NAV2: variants seen among roughly 807,000 people sequenced by gnomAD.
NAV2 encodes the protein helicase, APC down-regulated 1.
Under a neutral mutation model 223.2 loss-of-function variants are expected in NAV2, and 54 were observed. That is an observed-to-expected ratio of 0.24 (90% CI 0.19 to 0.30). The LOEUF (loss-of-function observed/expected upper bound fraction) is 0.30, where lower values mean the gene tolerates loss of function less well. NAV2 is among the 10% of genes least tolerant of loss of function. The pLI, the probability that NAV2 is intolerant of heterozygous loss-of-function variation, is 1.00. For synonymous variants in NAV2, 1,279 were observed against 1,239.3 expected, an observed-to-expected ratio of 1.03 and a Z score of -0.67; for missense variants, 2,806 against 3,147.5, an observed-to-expected ratio of 0.89 and a Z score of 2.60.
chr11:19,550,050 G>T (rs1278593375), intron 1 of NAV2, among the ~76,000 whole-genome samples: 4 of 152,208 alleles, frequency 2.6e-5, no homozygotes, highest in Non-Finnish European at 5.9e-5. Flanking sequence ...ATATGTGGAG[G>T]TGGATGGGAA....
At chr11:19,821,625 CCTGCAATGGT>C (rs143542609) in intron 1 of NAV2, among the ~76,000 whole-genome samples, 4,108 of 152,268 alleles carry the variant, frequency 0.027, 174 homozygotes, top group African/African-American at 0.094. Flanking sequence ...TGGATACAGT[CCTGCAATGGT>C]AACTCATGTT....
At chr11:19,674,429 A>G (rs1439492713) in intron 1 of NAV2, among the ~76,000 whole-genome samples, 2 of 152,166 alleles carry the variant, frequency 1.3e-5, no homozygotes, top group African/African-American at 4.8e-5. Flanking sequence ...TTTTTTTTCA[A>G]TGGAAGGTTA....
intron 1 of NAV2, among the ~76,000 whole-genome samples, chr11:19,567,148 T>G (rs767959736): frequency 6.6e-6 from 1 of 152,188 alleles, no homozygotes; most frequent in Non-Finnish European, 1.5e-5. Context: ...TACTTCTTTT[T>G]CTCCTCTCTT....
intron 1 of NAV2, among the ~76,000 whole-genome samples, chr11:19,392,579 G>A (rs1401267138): frequency 6.6e-6 from 1 of 152,134 alleles, no homozygotes; most frequent in African/African-American, 2.4e-5. Context: ...CTGAGAGCAC[G>A]AGCAAGCCAG....
At chr11:19,780,765 G>A (rs527631516) in intron 1 of NAV2, among the ~76,000 whole-genome samples, 7 of 152,254 alleles carry the variant, frequency 4.6e-5, no homozygotes, top group East Asian at 1.9e-4. Flanking sequence ...ATATGATGAC[G>A]GACGAGATGA....
intron 1 of NAV2, among the ~76,000 whole-genome samples, chr11:19,365,960 C>T (rs1269913446): frequency 6.6e-6 from 1 of 152,208 alleles, no homozygotes; most frequent in East Asian, 1.9e-4. Flanking sequence ...GGGAGAGCCA[C>T]CTTTGCCCTT....
intron 1 of NAV2, among the ~76,000 whole-genome samples, chr11:19,401,401 T>C (rs2729909): frequency 0.59 from 90,130 of 152,088 alleles, 27,083 homozygotes; most frequent in South Asian, 0.69. Flanking sequence ...TGTTGATAGG[T>C]AAATAAATAA....
chr11:19,761,533 T>G (rs1428856900), intron 1 of NAV2, among the ~76,000 whole-genome samples: 1 of 152,096 alleles, frequency 6.6e-6, no homozygotes, highest in East Asian at 1.9e-4. Context: ...GGCAGCACAA[T>G]AGCCAACACA....
At chr11:19,746,719 C>T (rs796480648) in intron 1 of NAV2, among the ~76,000 whole-genome samples, 8 of 152,144 alleles carry the variant, frequency 5.3e-5, no homozygotes, top group African/African-American at 1.9e-4. Flanking sequence ...ATCTTGCTCT[C>T]ATTCACCTCG....
At chr11:19,818,403 G>A (rs780793243) in intron 1 of NAV2, among the ~76,000 whole-genome samples, 1 of 151,956 alleles carries the variant, frequency 6.6e-6, no homozygotes, top group East Asian at 1.9e-4. Context: ...TCTGAGCTGG[G>A]AAGAGATGTA....
chr11:19,552,886 A>C (rs1252408620), intron 1 of NAV2, among the ~76,000 whole-genome samples: 4 of 60,364 alleles, frequency 6.6e-5, no homozygotes, highest in Non-Finnish European at 1.1e-4. Flanking sequence ...AGTGTGTGTG[A>C]GTGTGTGTGG....
chr11:19,503,079 T>C (rs1342920748), intron 1 of NAV2: 2 of 152,248 alleles, frequency 1.3e-5, no homozygotes, highest in African/African-American at 4.8e-5. Context: ...CAAAGTACTG[T>C]GTAAACATGG....
chr11:19,884,969 C>CAGGCT (rs1273731177), intron 5 of NAV2, among the ~76,000 whole-genome samples: 1 of 152,186 alleles, frequency 6.6e-6, no homozygotes, highest in African/African-American at 2.4e-5. Flanking sequence ...AAATAAAAAA[C>CAGGCT]AGGCTTGCTC....
At chr11:20,092,449 C>T in intron 28 of NAV2, 81 bp downstream of exon 28, 1 of 1,395,656 alleles carries the variant, frequency 7.2e-7, no homozygotes, top group African/African-American at 1.4e-5. Context: ...CCAAAATAAG[C>T]AGATCAACAG....
At chr11:19,607,044 G>A (rs2046492577) in intron 1 of NAV2, among the ~76,000 whole-genome samples, 1 of 152,232 alleles carries the variant, frequency 6.6e-6, no homozygotes, top group African/African-American at 2.4e-5. Flanking sequence ...GGAAGGAAAA[G>A]AAGGGTCTGC....
chr11:19,734,850 C>T (rs912218708), intron 1 of NAV2, among the ~76,000 whole-genome samples: 1 of 152,172 alleles, frequency 6.6e-6, no homozygotes, highest in Non-Finnish European at 1.5e-5. Context: ...CCATGGAGGG[C>T]TGGGTCAAGC....
intron 1 of NAV2, among the ~76,000 whole-genome samples, chr11:19,776,678 T>TGTGTGTGTGTGGG (rs2056238347): frequency 5.1e-5 from 2 of 39,526 alleles, no homozygotes; most frequent in Non-Finnish European, 7.7e-5. Flanking sequence ...GTGTGTGTGG[T>TGTGTGTGTGTGGG]TAGAGTTGTG....
At chr11:19,886,482 A>G (rs1206408721) in intron 5 of NAV2, among the ~76,000 whole-genome samples, 1 of 152,212 alleles carries the variant, frequency 6.6e-6, no homozygotes, top group Non-Finnish European at 1.5e-5. Flanking sequence ...TGCTTTCCCT[A>G]ACAACACCAG....
chr11:19,682,045 G>T (rs115122928), intron 1 of NAV2, among the ~76,000 whole-genome samples: 2,268 of 152,184 alleles, frequency 0.015, 49 homozygotes, highest in African/African-American at 0.052. Flanking sequence ...CACTCTGCAG[G>T]GTTCCAGGGC....
Sources: allele counts gnomAD v4.1 joint callset (sites outside exome capture counted in the v4.1 genomes callset), GRCh38; gene constraint gnomAD v4.1.1; transcripts MANE v1.5; gene names NCBI Gene and HGNC (gene_info 2026-07-23, HGNC 2026-07-21).